NKAIN2: variants seen among roughly 807,000 people sequenced by gnomAD.
The protein encoded by NKAIN2 is sodium/potassium-transporting ATPase subunit beta-1-interacting protein 2.
In NKAIN2, 14 loss-of-function variants were observed where a neutral mutation model predicts 32.6. The observed-to-expected ratio is 0.43, with a 90% CI of 0.28 to 0.67. The LOEUF (loss-of-function observed/expected upper bound fraction) is 0.67. Among genes scored for constraint, NKAIN2 ranks in the 30% least tolerant of loss-of-function variants. NKAIN2 has a pLI of 0.17. For missense variants in NKAIN2, 198 were observed against 258.3 expected, an observed-to-expected ratio of 0.77 and a Z score of 1.60; for synonymous variants, 80 against 87.2, an observed-to-expected ratio of 0.92 and a Z score of 0.46.
intron 1 of NKAIN2, among the ~76,000 whole-genome samples, chr6:124,072,032 C>T (rs1166228333): frequency 6.6e-6 from 1 of 152,104 alleles, no homozygotes; most frequent in Non-Finnish European, 1.5e-5. Context: ...CTCCTATGTT[C>T]ACTGCAGCAC....
chr6:124,437,507 C>T (rs1775500991), intron 3 of NKAIN2, among the ~76,000 whole-genome samples: 1 of 152,090 alleles, frequency 6.6e-6, no homozygotes, highest in South Asian at 2.1e-4. Context: ...TCCTTTCTCA[C>T]CTTCTGATTT....
At chr6:124,362,861 G>T (rs919552728) in intron 3 of NKAIN2, among the ~76,000 whole-genome samples, 4 of 151,990 alleles carry the variant, frequency 2.6e-5, no homozygotes, top group Non-Finnish European at 4.4e-5. Flanking sequence ...TTGAGATAGA[G>T]TCCCACTCTG....
intron 1 of NKAIN2, among the ~76,000 whole-genome samples, chr6:123,946,381 A>G (rs1777065769): frequency 6.6e-6 from 1 of 152,154 alleles, no homozygotes; most frequent in Non-Finnish European, 1.5e-5. Context: ...GATGAGGTAA[A>G]TGTGATTTAA....
chr6:124,457,340 C>T (rs1369503884), intron 3 of NKAIN2, among the ~76,000 whole-genome samples: 1 of 151,938 alleles, frequency 6.6e-6, no homozygotes, highest in African/African-American at 2.4e-5. Flanking sequence ...AAGTGAAATA[C>T]ATCGGAGAAA....
intron 3 of NKAIN2, among the ~76,000 whole-genome samples, chr6:124,527,975 T>G (rs1020992166): frequency 6.6e-6 from 1 of 152,080 alleles, no homozygotes; most frequent in African/African-American, 2.4e-5. Flanking sequence ...AATAATGAAG[T>G]TGGAGGACTC....
At chr6:124,654,090 A>G (rs1784457058) in intron 3 of NKAIN2, among the ~76,000 whole-genome samples, 1 of 152,184 alleles carries the variant, frequency 6.6e-6, no homozygotes, top group African/African-American at 2.4e-5. Context: ...ATTTCATACT[A>G]GAAATAGGAG....
chr6:123,876,196 T>A lies in NKAIN2; in HGVS notation c.54+71942T>A, dbSNP rs144563229. On this transcript the variant is annotated intron_variant, in intron 1 of 6. Transcript: ENST00000368417. Reference sequence around the variant, plus strand: ...AGAAGTCTGTCTGCTCATACATATCTGCAACCGAAAAATATACAATATTTC... The same window carrying A: ...AGAAGTCTGTCTGCTCATACATATCAGCAACCGAAAAATATACAATATTTC... 3.7e-4 allele frequency among the ~76,000 whole-genome samples: 56 copies of A among 152,310 alleles called. No homozygotes were observed. In the East Asian group the frequency reaches 9.8e-3, roughly 27 times the overall value.
chr6:123,828,825 T>A (rs1163402227), intron 1 of NKAIN2: 3 of 152,240 alleles, frequency 2.0e-5, no homozygotes, highest in Non-Finnish European at 4.4e-5. Flanking sequence ...TGGCCTTGCT[T>A]CTACTAAACT....
chr6:123,927,528 A>T (rs1399685159), intron 1 of NKAIN2, among the ~76,000 whole-genome samples: 1 of 152,188 alleles, frequency 6.6e-6, no homozygotes, highest in African/African-American at 2.4e-5. Context: ...GATTGCTGGA[A>T]TATGTCCGAT....
At chr6:123,944,319 G>A (rs1776969832) in intron 1 of NKAIN2, among the ~76,000 whole-genome samples, 1 of 152,016 alleles carries the variant, frequency 6.6e-6, no homozygotes, top group African/African-American at 2.4e-5. Flanking sequence ...TGAAGATTAT[G>A]AGATTCCCAC....
At chr6:124,664,790 T>C (rs1270116759) in intron 4 of NKAIN2, among the ~76,000 whole-genome samples, 3 of 37,762 alleles carry the variant, frequency 7.9e-5, no homozygotes, top group Non-Finnish European at 1.2e-4. Context: ...CGAGACTCCG[T>C]CTCAAAAAAA....
intron 1 of NKAIN2, among the ~76,000 whole-genome samples, chr6:123,880,626 A>T (rs573839134): frequency 6.6e-6 from 1 of 152,326 alleles, no homozygotes; most frequent in South Asian, 2.1e-4. Context: ...GAACTCTAAA[A>T]GATGGAAGCA....
chr6:124,815,832 A>G (rs2114872234), intron 5 of NKAIN2, among the ~76,000 whole-genome samples: 1 of 152,210 alleles, frequency 6.6e-6, no homozygotes, highest in African/African-American at 2.4e-5. Context: ...GAATTTTTTG[A>G]GGGGCTCTTA....
intron 6 of NKAIN2, chr6:124,819,257 T>C: frequency 4.5e-6 from 1 of 220,096 alleles, no homozygotes; most frequent in Non-Finnish European, 7.7e-6. Flanking sequence ...ATTGAATCAT[T>C]TTACCTTTTA....
chr6:123,858,696 G>A (rs2114973196), intron 1 of NKAIN2, among the ~76,000 whole-genome samples: 1 of 152,190 alleles, frequency 6.6e-6, no homozygotes, highest in African/African-American at 2.4e-5. Context: ...GCCATATTGG[G>A]CCACCATCAA....
At chr6:124,203,386 T>C (rs1790685265) in intron 1 of NKAIN2, among the ~76,000 whole-genome samples, 1 of 151,886 alleles carries the variant, frequency 6.6e-6, no homozygotes, top group African/African-American at 2.4e-5. Flanking sequence ...ACTTTTGCAA[T>C]TTCATGGGTA....
chr6:124,541,324 C>T (rs746553646), intron 3 of NKAIN2, among the ~76,000 whole-genome samples: 1 of 152,100 alleles, frequency 6.6e-6, no homozygotes, highest in Non-Finnish European at 1.5e-5. Flanking sequence ...GGGTGAGACA[C>T]AAAATAGCAT....
intron 4 of NKAIN2, among the ~76,000 whole-genome samples, chr6:124,752,307 C>T (rs896310614): frequency 5.9e-5 from 9 of 151,958 alleles, no homozygotes; most frequent in Admixed American, 2.6e-4. Context: ...ATGTTTCTTC[C>T]TTTACCCTTC....
rs550214212 is a variant in NKAIN2, at chr6:123,939,964, A to T, written c.54+135710A>T. Among the ~76,000 whole-genome samples the T allele has an allele frequency of 8.0e-4, 122 of 152,160 alleles. 4 individuals carry two copies. The South Asian group carries it at 0.024, about 31-fold the overall frequency. ...GAGCCTTCTTAACATAGGCATGCTG[A>T]AACCCAGTGATAGGCAGTTTCTTTG... On this transcript the variant is annotated intron_variant, in intron 1 of 6. Transcript: ENST00000368417.
Sources: allele counts gnomAD v4.1 joint callset (sites outside exome capture counted in the v4.1 genomes callset), GRCh38; gene constraint gnomAD v4.1.1; transcripts MANE v1.5; gene names NCBI Gene and HGNC (gene_info 2026-07-23, HGNC 2026-07-21).